Variants in PCDHGA12 observed in about 807,000 individuals in gnomAD.
PCDHGA12 encodes protocadherin gamma-A12.
PCDHGA12 carries 43 observed loss-of-function variants against 61.1 expected under a neutral mutation model. The ratio of observed to expected loss-of-function variants is 0.70; its 90% CI spans 0.55 to 0.91. The LOEUF is 0.91. Among genes scored for constraint, PCDHGA12 ranks in the 40% least tolerant of loss-of-function variants. The pLI is 0.00. For synonymous variants in PCDHGA12, 520 were observed against 542.9 expected (o/e 0.96, Z 0.59); for missense variants, 1,236 against 1,227.7 (o/e 1.01, Z -0.10).
At chr5:141,438,591 CATATATAT>C (rs946798767) in intron 1 of PCDHGA12, among the ~76,000 whole-genome samples, 35 of 75,562 alleles carry the variant, frequency 4.6e-4, no homozygotes, top group South Asian at 1.0e-3. Flanking sequence ...TACATACATA[CATATATAT>C]ATATATATAT....
rs1439461935 is a variant in PCDHGA12 at position 141,511,976 on chromosome 5, G to A, written c.*803G>A. ...ATAAGGAAGGGAAGTGTGTGGATGT[G>A]GATGGTGGGGGCATGGACAAAGCTT... is the stretch of plus-strand genomic sequence containing the variant. On this transcript the variant is annotated 3_prime_UTR_variant, in exon 4 of 4. Coordinates refer to ENST00000252085, the MANE Select transcript of PCDHGA12 (RefSeq NM_003735.3). 6.5e-6 allele frequency: 1 copy of A among 153,384 alleles called. No homozygotes were observed. Among genetic ancestry groups the A allele is most frequent in the Non-Finnish European group, 1.5e-5 (1 of 68,664 alleles). 9.5% of individuals were successfully genotyped at this position (153,384 alleles called of 1,614,324 possible).
chr5:141,503,222 G>T (rs540244346), intron 2 of PCDHGA12, among the ~76,000 whole-genome samples: 1 of 152,120 alleles, frequency 6.6e-6, no homozygotes, highest in East Asian at 1.9e-4. Context: ...CATGAGCACC[G>T]TAAAGATGGA....
Position 141,491,094 on chromosome 5 carries a change from G to T in PCDHGA12, c.2425-3713G>T. ...TGCCACAGTCCACAGCCCCAGGACT[G>T]TTCCTCGTGTCTACACACACTGGTG... On this transcript the variant is annotated intron_variant, in intron 1 of 3. Transcript: ENST00000252085. This position sits in a 1 kb window ranked among gnomAD's most constrained non-coding sequence, Gnocchi z 6.9. The T allele has an allele frequency of 6.2e-7, 1 of 1,614,202 alleles. No homozygotes were observed. The highest frequency in any genetic ancestry group is 1.1e-5 in the South Asian group (1 of 91,086).
At chr5:141,504,352 G>A (rs2099837588) in intron 2 of PCDHGA12, among the ~76,000 whole-genome samples, 3 of 152,016 alleles carry the variant, frequency 2.0e-5, no homozygotes, top group Admixed American at 1.3e-4. Flanking sequence ...TTTGTGCTAG[G>A]TGCTTCAGTA....
intron 1 of PCDHGA12, among the ~76,000 whole-genome samples, chr5:141,438,579 CATACATACATACAT>C (rs1434774868): frequency 9.0e-5 from 5 of 55,782 alleles, no homozygotes; most frequent in Admixed American, 2.8e-4. Context: ...GATATACATA[CATACATACATACAT>C]ATATATATAT....
At chr5:141,433,360 T>C (rs1313053553) in intron 1 of PCDHGA12, 177 bp downstream of exon 1, 46 of 298,056 alleles carry the variant, frequency 1.5e-4, no homozygotes, top group Non-Finnish European at 2.5e-4. Context: ...ACTGTCTGCC[T>C]ATCTATCTAT....
Position 141,477,032 on chromosome 5 carries a change from A to G in PCDHGA12, c.2425-17775A>G, listed in dbSNP as rs1026169829. 2 of 1,614,134 alleles carry G rather than the reference A, an allele frequency of 1.2e-6. No homozygotes were observed. Among genetic ancestry groups the G allele is most frequent in the Non-Finnish European group, 1.7e-6 (2 of 1,180,044 alleles). ...AGACCTTGTAACCGGGATGCTGACA[A>G]TCAAGGGTCGGCTGGACTTCGAGGA... On this transcript the variant is annotated intron_variant, in intron 1 of 3. Transcript: ENST00000252085. This position sits in a 1 kb window ranked among gnomAD's most constrained non-coding sequence, Gnocchi z 4.9.
Position 141,476,934 on chromosome 5 carries a change from A to G in PCDHGA12, c.2425-17873A>G, listed in dbSNP as rs199685528. On this transcript the variant is annotated intron_variant, in intron 1 of 3. Transcript: ENST00000252085. The surrounding 1 kb of genome is among the most constrained non-coding windows in gnomAD (Gnocchi z 7.6). ...CAAGTCCTTGCAACGGATCTGGATG[A>G]AGGCCCCAACGGTGAAATTATTTAC... 255 of 1,614,164 alleles carry G rather than the reference A, an allele frequency of 1.6e-4. 3 individuals carry two copies. In the South Asian group the frequency reaches 2.6e-3, roughly 16 times the overall value.
intron 1 of PCDHGA12, among the ~76,000 whole-genome samples, chr5:141,454,795 A>G (rs79012896): frequency 9.1e-6 from 1 of 110,272 alleles, no homozygotes; most frequent in South Asian, 3.0e-4. Flanking sequence ...CCATGGTTCT[A>G]ATTTTTTTTT....
At chr5:141,499,019 AG>A (rs2099788634) in intron 2 of PCDHGA12, among the ~76,000 whole-genome samples, 3 of 150,840 alleles carry the variant, frequency 2.0e-5, no homozygotes, top group Non-Finnish European at 3.0e-5. Context: ...GAAGGAAGGA[AG>A]GAAGGAAGAA....
In PCDHGA12 at chr5:141,477,767, A is replaced by G. The variant is rs1178354274; in HGVS notation, c.2425-17040A>G. 6.2e-7 allele frequency: 1 copy of G among 1,613,906 alleles called. No homozygotes were observed. The highest frequency in any genetic ancestry group is 8.5e-7 in the Non-Finnish European group (1 of 1,180,038). On this transcript the variant is annotated intron_variant, in intron 1 of 3. Coordinates refer to ENST00000252085, the MANE Select transcript of PCDHGA12 (RefSeq NM_003735.3). The surrounding 1 kb of genome is among the most constrained non-coding windows in gnomAD (Gnocchi z 4.9). ...GGGCACCCCGGTCCTAGCCACCAAC[A>G]TCAGCGTGAACATATTTGTCACTGA...
chr5:141,498,960 G>GGAGA (rs1381042115), intron 2 of PCDHGA12, among the ~76,000 whole-genome samples: 9 of 118,744 alleles, frequency 7.6e-5, no homozygotes, highest in African/African-American at 2.8e-4. Context: ...AGAGAGAGAG[G>GGAGA]GAGGGAGGGA....
intron 1 of PCDHGA12, among the ~76,000 whole-genome samples, chr5:141,481,400 T>C (rs2154578591): frequency 6.6e-6 from 1 of 152,358 alleles, no homozygotes; most frequent in East Asian, 1.9e-4. Context: ...GTGACAAAAT[T>C]CTTGTATAAT....
At position 141,436,288 on chromosome 5, in the gene PCDHGA12, C is replaced by T. The variant is rs533281663; in HGVS notation, c.2424+3105C>T. On this transcript the variant is annotated intron_variant, in intron 1 of 3. Coordinates refer to ENST00000252085, the MANE Select transcript of PCDHGA12 (RefSeq NM_003735.3). ...CACCTAACTTGATTTAGGAACAAATCATTGAGAGTTAGAGCATGAATAGTC... is the reference window on the plus strand; with the variant it reads ...CACCTAACTTGATTTAGGAACAAATTATTGAGAGTTAGAGCATGAATAGTC... 3.9e-3 allele frequency among the ~76,000 whole-genome samples: 590 copies of T among 152,274 alleles called. 9 individuals are homozygous for T. Among genetic ancestry groups the T allele is most frequent in the Middle Eastern group, 0.01 (3 of 294 alleles).
At position 141,431,738 on chromosome 5, in the gene PCDHGA12, TA is replaced by T; in HGVS notation, c.980del (p.Tyr327PhefsTer8). ...AGTGCAAGCAATGGATAATGCAGGA[TA>T]TTCTGCGCGAGCCAAAGTCCTGATC... ...MEVQAMDNAG[Y>X]SARAKVLITV... On this transcript the variant is annotated frameshift_variant, in exon 1 of 4. Coordinates refer to ENST00000252085, the MANE Select transcript of PCDHGA12 (RefSeq NM_003735.3). LOFTEE classifies it high-confidence loss of function. The surrounding 1 kb of genome is among the most constrained non-coding windows in gnomAD (Gnocchi z 4.8). The T allele has an allele frequency of 6.2e-7, 1 of 1,614,234 alleles. No individual in the cohort carries two copies. Among genetic ancestry groups the T allele is most frequent in the South Asian group, 1.1e-5 (1 of 91,092 alleles).
intron 1 of PCDHGA12, chr5:141,478,753 G>A (rs2099475642): frequency 2.0e-6 from 3 of 1,519,424 alleles, no homozygotes; most frequent in Admixed American, 2.1e-5. Context: ...ATTTCAGGGG[G>A]AAGATACTTG....
rs1484954022 is a variant in PCDHGA12 at position 141,511,920 on chromosome 5, T to C, written c.*747T>C. 1 of 156,200 alleles carries C rather than the reference T, an allele frequency of 6.4e-6. No individual in the cohort carries two copies. Among genetic ancestry groups the C allele is most frequent in the Non-Finnish European group, 1.4e-5 (1 of 70,262 alleles). The allele number at this position is 156,200 out of a possible 1,614,324, so 9.7% of individuals were successfully genotyped here. The stretch of plus-strand genomic sequence containing the variant: ...CTCCTCCTCAAACAAGAGACTCCAC[T>C]GCATGTTCCAAGACAGTATGGGGTG... On this transcript the variant is annotated 3_prime_UTR_variant, in exon 4 of 4. Coordinates refer to ENST00000252085, the MANE Select transcript of PCDHGA12 (RefSeq NM_003735.3).
rs753581561 is a variant in PCDHGA12, at chr5:141,485,195, T to G, written c.2425-9612T>G. 2.2e-5 allele frequency: 36 copies of G among 1,613,912 alleles called. No homozygotes were observed. Among genetic ancestry groups the G allele is most frequent in the Non-Finnish European group, 1.4e-5 (16 of 1,179,906 alleles). ...AGCAATGCTCCGCAAGGTGAGAAGC[T>G]GGACAGAAATCTGGCGGTGGGCTAC... is the stretch of plus-strand genomic sequence containing the variant. On this transcript the variant is annotated intron_variant, in intron 1 of 3. Transcript: ENST00000252085. The surrounding 1 kb of genome is among the most constrained non-coding windows in gnomAD (Gnocchi z 5.7).
At chr5:141,488,913 A>G (rs887938731) in intron 1 of PCDHGA12, among the ~76,000 whole-genome samples, 4 of 152,196 alleles carry the variant, frequency 2.6e-5, no homozygotes, top group African/African-American at 7.2e-5. Flanking sequence ...TGTGTTCCCA[A>G]GGTTTCCAGG....
Sources: gnomAD v4.1 joint callset for allele counts (sites outside exome capture counted in the v4.1 genomes callset) on GRCh38, gnomAD v4.1.1 for gene constraint, Gnocchi (gnomAD v3.1) non-coding constraint, MANE v1.5 for transcripts, NCBI Gene and HGNC (gene_info 2026-07-23, HGNC 2026-07-21) for gene names.